The following SERINC4 variants were observed in gnomAD, a reference collection of about 807,000 sequenced individuals.
The protein encoded by SERINC4 is serine incorporator 4.
In SERINC4, 52 loss-of-function variants were observed where a neutral mutation model predicts 52.0. The ratio of observed to expected loss-of-function variants is 1.00; its 90% CI spans 0.80 to 1.26. The LOEUF (loss-of-function observed/expected upper bound fraction) is 1.26. Ranked by LOEUF, SERINC4 falls within the 50% of genes most tolerant of loss-of-function variation. SERINC4 has a pLI of 0.00. For synonymous variants in SERINC4, 264 were observed against 247.7 expected (o/e 1.07, Z -0.62); for missense variants, 723 against 632.8 (o/e 1.14, Z -1.53).
At chr15:43,795,831 A>G (rs1443503770) in intron 9 of SERINC4, 95 bp from the exon 10 acceptor site, 1 of 1,312,264 alleles carries the variant, frequency 7.6e-7, no homozygotes, top group Non-Finnish European at 1.1e-6. Context: ...TCTAGTATTA[A>G]AAAGTGGAGG....
In SERINC4 at chr15:43,795,204, T is replaced by C. The variant is rs934641539; in HGVS notation, c.1353A>G (p.Gly451=). The C allele has an allele frequency of 2.5e-6, 4 of 1,613,936 alleles. No homozygotes were observed. In the African/African-American group the frequency reaches 4.0e-5, roughly 16 times the overall value. The change falls in exon 12 of 12, where the codon GGA becomes GGG. Residue 451 remains glycine, a synonymous_variant. Coordinates refer to ENST00000319327, the MANE Select transcript of SERINC4 (RefSeq NM_001258031.2). ...TGATGAAGGTCTTTTCCAGTTCTGC[T>C]CCCTCATAGCTGTGTAACCAAAGGC... ...VTLTNWFSYE[G]AELEKTFIKG...
intron 4 of SERINC4, 126 bp from the exon 5 acceptor site, chr15:43,798,139 TCCC>T (rs2087249833): frequency 1.5e-6 from 1 of 686,988 alleles, no homozygotes; most frequent in East Asian, 2.8e-5. Flanking sequence ...AACCTCTGCC[TCCC>T]GGGTTCAAGT....
chr15:43,797,994 G>A lies in SERINC4; in HGVS notation c.558C>T (p.Ile186=), dbSNP rs771635411. ...HLFPAWHYIG[I]CGGFAFILLQ... ...GTAGGATGAATGCAAAGCCTCCACA[G>A]ATGCCAATGTAATGCCATGCTGCAA... Residue 186 remains isoleucine, a synonymous_variant, in exon 5 of 12, where the codon ATC becomes ATT. Transcript: ENST00000319327. The A allele has an allele frequency of 6.2e-7, 1 of 1,613,272 alleles. No homozygotes were observed. The highest frequency in any genetic ancestry group is 8.5e-7 in the Non-Finnish European group (1 of 1,179,394).
In SERINC4 at chr15:43,799,099, G is replaced by T. The variant is rs938083632; in HGVS notation, c.318C>A (p.Gly106=). ...MPSGLCAHLF[G]LSDCPVLSGS... ...CACTGAGCACTGGACAGTCAGAGAGGCCAAACAGGTGGGCACACAACCCCG... is the reference window on the plus strand; with the variant it reads ...CACTGAGCACTGGACAGTCAGAGAGTCCAAACAGGTGGGCACACAACCCCG... Residue 106 remains glycine (G), a synonymous_variant, in exon 3 of 12, where the codon GGC becomes GGA. Coordinates refer to ENST00000319327, the MANE Select transcript of SERINC4 (RefSeq NM_001258031.2). The T allele has an allele frequency of 1.2e-5, 18 of 1,550,340 alleles. No homozygotes were observed. The highest frequency in any genetic ancestry group is 3.9e-5 in the Admixed American group (2 of 50,976).
rs1467868687 is a variant in SERINC4, at chr15:43,796,703, C to T, written c.980G>A (p.Gly327Asp). 6.2e-7 allele frequency: 1 copy of T among 1,613,972 alleles called. No individual in the cohort carries two copies. Among genetic ancestry groups the T allele is most frequent in the Non-Finnish European group, 8.5e-7 (1 of 1,180,000 alleles). The change falls in exon 8 of 12, where the codon GGC (glycine) becomes GAC (aspartate). Residue 327 changes from glycine to aspartate, a missense_variant. By Grantham distance (94) the Gly-to-Asp change is moderately conservative. Transcript: ENST00000319327. The part of the protein sequence containing the change: ...QGQNHTLCLP[G>D]LSKMEPQTPD... ...TGTTTGGGGTTCCATTTTACTCAGG[C>T]CAGGCAGGCACAGGGTGTGATTCTG...
At chr15:43,796,394 T>C in intron 8 of SERINC4, 167 bp from the exon 9 acceptor site, 1 of 710,840 alleles carries the variant, frequency 1.4e-6, no homozygotes, top group African/African-American at 1.8e-5. Flanking sequence ...CTAAGGTCTT[T>C]GGACATATTT....
At chr15:43,799,269 T>G (rs1191603196) in intron 2 of SERINC4, 41 bp downstream of exon 2, 18 of 1,537,762 alleles carry the variant, frequency 1.2e-5, no homozygotes, top group Non-Finnish European at 1.6e-5. Flanking sequence ...GTTTTTCCTT[T>G]TATCTCTTCC....
rs1002247456 is a variant in SERINC4, at chr15:43,798,011, A to G, written c.541T>C (p.Trp181Arg). The G allele has an allele frequency of 6.2e-7, 1 of 1,607,316 alleles. No homozygotes were observed. Among genetic ancestry groups the G allele is most frequent in the Non-Finnish European group, 8.5e-7 (1 of 1,174,522 alleles). The change falls in exon 5 of 12, where the codon TGG becomes CGG. Residue 181 changes from tryptophan to arginine, a missense_variant and splice_region_variant. Transcript: ENST00000319327. ...CIPDEHLFPA[W>R]HYIGICGGFA... ...CCTCCACAGATGCCAATGTAATGCC[A>G]TGCTGCAAGATGGGCACCAGTGGAA...
In SERINC4 at chr15:43,795,044, G is replaced by A. The variant is rs145705656; in HGVS notation, c.1513C>T (p.Arg505Cys). The A allele has an allele frequency of 3.8e-5, 62 of 1,612,700 alleles. No individual in the cohort carries two copies. The African/African-American group carries it at 4.7e-4, about 12-fold the overall frequency. The change falls in exon 12 of 12, where the codon CGC becomes TGC. Residue 505 changes from arginine to cysteine, a missense_variant. Transcript: ENST00000319327. Reference protein sequence around the residue: ...KPQPLILRRRRHRIISPDNKY... With the variant: ...KPQPLILRRRCHRIISPDNKY... ...TTATCTGGGGATATGATGCGGTGGCGGCGGCGCCTCAAGATAAGGGGCTGG... is the reference window on the plus strand; with the variant it reads ...TTATCTGGGGATATGATGCGGTGGCAGCGGCGCCTCAAGATAAGGGGCTGG...
At chr15:43,797,016 C>A in intron 6 of SERINC4, 76 bp from the exon 7 acceptor site, 1 of 1,456,970 alleles carries the variant, frequency 6.9e-7, no homozygotes, top group South Asian at 1.1e-5. Context: ...GTACTTCTGT[C>A]TCCCCATCCT....
chr15:43,798,507 G>C lies in SERINC4; in HGVS notation c.459-3C>G. On this transcript the variant is annotated splice_region_variant and splice_polypyrimidine_tract_variant and intron_variant, in intron 3 of 11. Coordinates refer to ENST00000319327, the MANE Select transcript of SERINC4 (RefSeq NM_001258031.2). ...ACAGCAGCTTGAGGAGCCAGAAGCT[G>C]GTTAGGAGGGAGAAAGAAAAACAGA... 6 of 1,610,154 alleles carry C rather than the reference G, an allele frequency of 3.7e-6. No homozygotes were observed. Among genetic ancestry groups the C allele is most frequent in the Non-Finnish European group, 5.1e-6 (6 of 1,176,462 alleles).
chr15:43,797,377 A>G (rs2087236383), intron 5 of SERINC4, 21 bp from the exon 6 acceptor site: 2 of 1,528,734 alleles, frequency 1.3e-6, no homozygotes. Context: ...AAAGTGGGCA[A>G]TGGCTTGGAG....
At chr15:43,798,053 C>CTTTT in intron 4 of SERINC4, 40 bp from the exon 5 acceptor site, 3 of 1,196,858 alleles carry the variant, frequency 2.5e-6, no homozygotes, top group Non-Finnish European at 3.6e-6. Context: ...CAAATTGTTA[C>CTTTT]TTTTTTTTTT....
intron 5 of SERINC4, 36 bp from the exon 6 acceptor site, chr15:43,797,392 A>C: frequency 6.8e-7 from 1 of 1,464,746 alleles, no homozygotes; most frequent in South Asian, 1.3e-5. Flanking sequence ...TTGGAGCTCC[A>C]GCATTTTTTT....
Position 43,795,674 on chromosome 15 carries a change from C to T in SERINC4, c.1189+14G>A, listed in dbSNP as rs2087197072. On this transcript the variant is annotated intron_variant, in intron 10 of 11. Coordinates refer to ENST00000319327, the MANE Select transcript of SERINC4 (RefSeq NM_001258031.2). Reference sequence around the variant, plus strand: ...AGATCTACCACTTCTTATGGTTCCTCACTTGGCACTCACCTTTGTCTGCCT... The same window carrying T: ...AGATCTACCACTTCTTATGGTTCCTTACTTGGCACTCACCTTTGTCTGCCT... The T allele has an allele frequency of 6.2e-7, 1 of 1,613,788 alleles. No individual in the cohort carries two copies. Among genetic ancestry groups the T allele is most frequent in the Non-Finnish European group, 8.5e-7 (1 of 1,179,722 alleles).
At chr15:43,799,528 C>G in intron 1 of SERINC4, 42 bp from the exon 2 acceptor site, 1 of 1,550,374 alleles carries the variant, frequency 6.5e-7, no homozygotes, top group Non-Finnish European at 8.7e-7. Flanking sequence ...TGGAGACTTG[C>G]TGAGGAAAGG....
rs1265843042 is a variant in SERINC4 at position 43,798,423 on chromosome 15, A to G, written c.538+2T>C. Reference sequence around the variant, plus strand: ...CTGCCAAGAGTGTGGGAGGGAGAGTACCTGGGAAGAGATGCTCATCAGGAA... The same window carrying G: ...CTGCCAAGAGTGTGGGAGGGAGAGTGCCTGGGAAGAGATGCTCATCAGGAA... On this transcript the variant is annotated splice_donor_variant, in intron 4 of 11. Transcript: ENST00000319327. LOFTEE classifies it high-confidence loss of function. The G allele has an allele frequency of 6.2e-7, 1 of 1,607,942 alleles. No homozygotes were observed. Among genetic ancestry groups the G allele is most frequent in the East Asian group, 2.2e-5 (1 of 44,854 alleles).
intron 5 of SERINC4, chr15:43,797,706 T>G: frequency 1.8e-6 from 1 of 555,650 alleles, no homozygotes; most frequent in Non-Finnish European, 3.2e-6. Context: ...TCCAACTCTT[T>G]TACCCATTAC....
intron 3 of SERINC4, 106 bp from the exon 4 acceptor site, chr15:43,798,610 G>T: frequency 1.2e-6 from 1 of 801,872 alleles, no homozygotes; most frequent in Non-Finnish European, 2.1e-6. Flanking sequence ...TAGGAAAGAG[G>T]ACAGACGAGA....
Sources: allele counts gnomAD v4.1 joint callset, GRCh38; gene constraint gnomAD v4.1.1; transcripts MANE v1.5; gene names NCBI Gene and HGNC (gene_info 2026-07-23, HGNC 2026-07-21).